The following ST6GALNAC3 variants were observed in gnomAD, a reference collection of about 807,000 sequenced individuals.
ST6GALNAC3 encodes alpha-N-acetylgalactosaminide alpha-2,6-sialyltransferase 3.
ST6GALNAC3 carries 25 observed loss-of-function variants against 32.7 expected under a neutral mutation model. The ratio of observed to expected loss-of-function variants is 0.76; its 90% confidence interval spans 0.56 to 1.07. The LOEUF is 1.07. Among genes scored for constraint, ST6GALNAC3 ranks in the 50% least tolerant of loss-of-function variants. The pLI, the probability that ST6GALNAC3 is intolerant of heterozygous loss-of-function variation, is 0.00. For missense variants in ST6GALNAC3, 355 were observed against 382.4 expected (o/e 0.93, Z 0.60); for synonymous variants, 129 against 133.1 (o/e 0.97, Z 0.21).
chr1:76,216,429 T>C (rs1655467664), intron 1 of ST6GALNAC3, among the ~76,000 whole-genome samples: 1 of 152,214 alleles, frequency 6.6e-6, no homozygotes, highest in Non-Finnish European at 1.5e-5. Flanking sequence ...GCTCAAGCAA[T>C]AATTTGTTGT....
intron 1 of ST6GALNAC3, among the ~76,000 whole-genome samples, chr1:76,304,575 G>C (rs1660927314): frequency 6.6e-6 from 1 of 152,086 alleles, no homozygotes; most frequent in South Asian, 2.1e-4. Flanking sequence ...TTTAGAGAAG[G>C]CTGAGAAGTC....
intron 1 of ST6GALNAC3, among the ~76,000 whole-genome samples, chr1:76,222,718 G>A (rs1232119529): frequency 6.6e-6 from 1 of 151,878 alleles, no homozygotes; most frequent in African/African-American, 2.4e-5. Flanking sequence ...AAAGCAAACA[G>A]CCCCTCTAGA....
intron 1 of ST6GALNAC3, among the ~76,000 whole-genome samples, chr1:76,174,990 G>GTAAT (rs1652761829): frequency 6.6e-6 from 1 of 151,970 alleles, no homozygotes; most frequent in Admixed American, 6.6e-5. Flanking sequence ...TCTATAATAC[G>GTAAT]CTACTTAATG....
At chr1:76,215,249 C>A (rs1383564875) in intron 1 of ST6GALNAC3, among the ~76,000 whole-genome samples, 1 of 152,148 alleles carries the variant, frequency 6.6e-6, no homozygotes. Context: ...ATTAAGAAAA[C>A]TGCAACAGTA....
chr1:76,134,011 C>A (rs1156864691), intron 1 of ST6GALNAC3, among the ~76,000 whole-genome samples: 1 of 152,164 alleles, frequency 6.6e-6, no homozygotes, highest in Non-Finnish European at 1.5e-5. Context: ...TGTCCAGGAG[C>A]CATTGACACA....
chr1:76,608,054 G>A (rs1490119918), intron 3 of ST6GALNAC3, among the ~76,000 whole-genome samples: 2 of 152,178 alleles, frequency 1.3e-5, no homozygotes, highest in East Asian at 1.9e-4. Flanking sequence ...CAACTAAAAT[G>A]TGGTTTTCTA....
rs558004703 is a variant in ST6GALNAC3, at chr1:76,197,422, A to G, written c.19-116383A>G. Among the ~76,000 whole-genome samples the G allele has an allele frequency of 6.1e-5, 9 of 148,624 alleles. No individual in the cohort carries two copies. In the South Asian group the frequency reaches 2.1e-3, roughly 34 times the overall value. Reference sequence around the variant, plus strand: ...CAACAGGCAATTATAAAACAGTACAATGTCACAATGTCAAGGGAAGGGCAG... The same window carrying G: ...CAACAGGCAATTATAAAACAGTACAGTGTCACAATGTCAAGGGAAGGGCAG... On this transcript the variant is annotated intron_variant, in intron 1 of 4. Coordinates refer to ENST00000328299, the MANE Select transcript of ST6GALNAC3 (RefSeq NM_152996.4).
intron 2 of ST6GALNAC3, 116 bp from the exon 3 acceptor site, chr1:76,411,891 TC>T: frequency 8.8e-7 from 1 of 1,135,014 alleles, no homozygotes; most frequent in Admixed American, 2.7e-5. Flanking sequence ...TGTAGGTACT[TC>T]AGAGATATTT....
intron 3 of ST6GALNAC3, among the ~76,000 whole-genome samples, chr1:76,466,869 C>T (rs1372298457): frequency 1.3e-5 from 2 of 151,972 alleles, no homozygotes; most frequent in Non-Finnish European, 2.9e-5. Flanking sequence ...AGATAAGAAG[C>T]AGACTTCGCT....
At chr1:76,318,762 C>T (rs946566268) in intron 2 of ST6GALNAC3, among the ~76,000 whole-genome samples, 2 of 152,080 alleles carry the variant, frequency 1.3e-5, no homozygotes, top group Non-Finnish European at 2.9e-5. Flanking sequence ...TTCACAATAT[C>T]CTAAAACCCT....
intron 3 of ST6GALNAC3, among the ~76,000 whole-genome samples, chr1:76,513,268 T>G (rs12138475): frequency 0.1 from 15,477 of 152,182 alleles, 945 homozygotes; most frequent in East Asian, 0.22. Context: ...AGTTATAGAC[T>G]TTACAATTAG....
chr1:76,405,169 C>T (rs1653733281), intron 2 of ST6GALNAC3, among the ~76,000 whole-genome samples: 1 of 151,930 alleles, frequency 6.6e-6, no homozygotes, highest in South Asian at 2.1e-4. Context: ...TTTTCTAATC[C>T]TGACTGTTTC....
chr1:76,481,437 T>A (rs1295264087), intron 3 of ST6GALNAC3, among the ~76,000 whole-genome samples: 1 of 152,142 alleles, frequency 6.6e-6, no homozygotes, highest in Admixed American at 6.5e-5. Context: ...AACCCACAAG[T>A]CTGTAACTTT....
intron 1 of ST6GALNAC3, among the ~76,000 whole-genome samples, chr1:76,238,180 C>T (rs769637924): frequency 2.0e-5 from 3 of 152,210 alleles, no homozygotes. Context: ...CTCTCTAGTT[C>T]CCACACTGTG....
At chr1:76,222,204 A>G (rs1314641044) in intron 1 of ST6GALNAC3, among the ~76,000 whole-genome samples, 1 of 152,166 alleles carries the variant, frequency 6.6e-6, no homozygotes, top group African/African-American at 2.4e-5. Context: ...CTGGCTAGCC[A>G]TAAGCAGAAT....
intron 1 of ST6GALNAC3, among the ~76,000 whole-genome samples, chr1:76,115,312 T>G (rs1280201361): frequency 2.0e-5 from 3 of 151,718 alleles, no homozygotes; most frequent in African/African-American, 7.3e-5. Context: ...ACCAAGTAGC[T>G]CCTCCTCCCC....
intron 3 of ST6GALNAC3, among the ~76,000 whole-genome samples, chr1:76,605,469 G>T (rs1456132873): frequency 6.6e-6 from 1 of 151,932 alleles, no homozygotes; most frequent in Middle Eastern, 3.2e-3. Flanking sequence ...CAAAATGGGA[G>T]AAATTTTTTG....
intron 1 of ST6GALNAC3, among the ~76,000 whole-genome samples, chr1:76,116,509 G>A (rs1389229006): frequency 6.6e-6 from 1 of 152,102 alleles, no homozygotes. Flanking sequence ...ATTGATCCAG[G>A]GATTTTATTT....
At chr1:76,414,881 A>G (rs1215629772) in intron 3 of ST6GALNAC3, among the ~76,000 whole-genome samples, 2 of 152,008 alleles carry the variant, frequency 1.3e-5, no homozygotes, top group African/African-American at 2.4e-5. Flanking sequence ...TAGTTTGCAA[A>G]TTTCCCAATT....
Sources: gnomAD v4.1 joint callset for allele counts (sites outside exome capture counted in the v4.1 genomes callset) on GRCh38, gnomAD v4.1.1 for gene constraint, MANE v1.5 for transcripts, NCBI Gene and HGNC (gene_info 2026-07-23, HGNC 2026-07-21) for gene names.